Variants in FGGY observed in about 807,000 individuals in gnomAD.
FGGY encodes FGGY carbohydrate kinase domain containing, also known as FGGY carbohydrate kinase domain-containing protein.
Under a neutral mutation model 71.3 loss-of-function variants are expected in FGGY, and 72 were observed. The ratio of observed to expected loss-of-function variants is 1.01; its 90% CI spans 0.84 to 1.23. The LOEUF is 1.23. Among genes scored for constraint, FGGY ranks in the 50% most tolerant of loss-of-function variants. FGGY has a pLI of 0.00. For synonymous variants in FGGY, 251 were observed against 250.3 expected (o/e 1.00, Z -0.02); for missense variants, 668 against 682.3 (o/e 0.98, Z 0.23).
intron 5 of FGGY, among the ~76,000 whole-genome samples, chr1:59,431,874 T>C (rs1180006600): frequency 6.6e-6 from 1 of 152,246 alleles, no homozygotes. Context: ...ACAGAGCTTC[T>C]AAATCCCTTG....
chr1:59,433,442 G>T (rs1281536730), intron 5 of FGGY, among the ~76,000 whole-genome samples: 1 of 152,184 alleles, frequency 6.6e-6, no homozygotes, highest in Non-Finnish European at 1.5e-5. Context: ...CAGGCCTCAT[G>T]TGTCTGGAGC....
intron 7 of FGGY, among the ~76,000 whole-genome samples, chr1:59,520,726 G>A (rs1354252744): frequency 6.6e-6 from 1 of 152,160 alleles, no homozygotes; most frequent in Non-Finnish European, 1.5e-5. Context: ...ATAGGTGAGG[G>A]AGACTTTAAG....
chr1:59,572,008 G>C (rs1431176320), intron 8 of FGGY, among the ~76,000 whole-genome samples: 1 of 152,220 alleles, frequency 6.6e-6, no homozygotes, highest in African/African-American at 2.4e-5. Context: ...GGAATTGCAG[G>C]TTGTTGAGGT....
chr1:59,662,875 A>G (rs1479675591), intron 12 of FGGY, among the ~76,000 whole-genome samples: 1 of 152,246 alleles, frequency 6.6e-6, no homozygotes, highest in Non-Finnish European at 1.5e-5. Context: ...CCATGGTTAA[A>G]GGACATTTGA....
At chr1:59,695,422 T>G (rs754717619) in intron 14 of FGGY, among the ~76,000 whole-genome samples, 19 of 152,180 alleles carry the variant, frequency 1.2e-4, no homozygotes, top group Admixed American at 2.6e-4. Context: ...TGCAACACAC[T>G]CGCCCATGCA....
At chr1:59,471,385 T>C (rs1308783429) in intron 6 of FGGY, among the ~76,000 whole-genome samples, 1 of 152,176 alleles carries the variant, frequency 6.6e-6, no homozygotes, top group Non-Finnish European at 1.5e-5. Flanking sequence ...GGTATTTCTT[T>C]ATAGCAATGT....
chr1:59,307,033 G>A (rs1335267491), intron 1 of FGGY, among the ~76,000 whole-genome samples: 1 of 152,118 alleles, frequency 6.6e-6, no homozygotes, highest in Non-Finnish European at 1.5e-5. Flanking sequence ...TGAAGAATGA[G>A]GCCAAGCACG....
intron 5 of FGGY, among the ~76,000 whole-genome samples, chr1:59,454,366 T>C (rs930186461): frequency 6.6e-6 from 1 of 152,202 alleles, no homozygotes; most frequent in Admixed American, 6.5e-5. Flanking sequence ...AGTTAGCATA[T>C]TGTATACTCT....
chr1:59,650,961 C>T (rs1389419387), intron 11 of FGGY, among the ~76,000 whole-genome samples: 2 of 151,222 alleles, frequency 1.3e-5, no homozygotes, highest in African/African-American at 4.9e-5. Context: ...TCTTTGTTCT[C>T]GTTGGTTTCA....
intron 6 of FGGY, among the ~76,000 whole-genome samples, chr1:59,464,145 C>T (rs2092451611): frequency 6.6e-6 from 1 of 152,198 alleles, no homozygotes; most frequent in Non-Finnish European, 1.5e-5. Flanking sequence ...TATGAAAGAA[C>T]AGAAATCACA....
intron 6 of FGGY, among the ~76,000 whole-genome samples, chr1:59,474,788 TG>T (rs2093178153): frequency 6.6e-6 from 1 of 152,222 alleles, no homozygotes; most frequent in Non-Finnish European, 1.5e-5. Flanking sequence ...CAGTTGCCTA[TG>T]GTAATAGTTA....
Position 59,444,974 on chromosome 1 carries a change from T to C in FGGY, c.555-11987T>C, listed in dbSNP as rs1025570148. ...ATGTCCTTTGATACCATAAGCTCTATGGACACCCTATAATATTTCTTCATT... is the reference window on the plus strand; with the variant it reads ...ATGTCCTTTGATACCATAAGCTCTACGGACACCCTATAATATTTCTTCATT... On this transcript the variant is annotated intron_variant, in intron 5 of 15. Transcript: ENST00000303721. 3.3e-5 allele frequency among the ~76,000 whole-genome samples: 5 copies of C among 152,196 alleles called. No individual in the cohort carries two copies. The East Asian group carries it at 9.6e-4, about 29-fold the overall frequency.
chr1:59,617,460 G>T (rs577396551), intron 9 of FGGY, among the ~76,000 whole-genome samples: 1 of 152,068 alleles, frequency 6.6e-6, no homozygotes, highest in South Asian at 2.1e-4. Context: ...AAAGAAACAG[G>T]ACAGGATCTT....
chr1:59,491,645 A>G (rs1414132048), intron 6 of FGGY, among the ~76,000 whole-genome samples: 1 of 150,746 alleles, frequency 6.6e-6, no homozygotes, highest in Non-Finnish European at 1.5e-5. Flanking sequence ...TGACCATGTC[A>G]TCTACAAACA....
intron 15 of FGGY, among the ~76,000 whole-genome samples, chr1:59,759,758 G>A (rs1287990937): frequency 6.6e-6 from 1 of 152,208 alleles, no homozygotes; most frequent in Non-Finnish European, 1.5e-5. Context: ...ATTTACTTAG[G>A]CCTCTGCCAC....
intron 8 of FGGY, among the ~76,000 whole-genome samples, chr1:59,592,238 C>T (rs1296906417): frequency 1.3e-5 from 2 of 152,066 alleles, no homozygotes; most frequent in African/African-American, 4.8e-5. Flanking sequence ...CAATGAGATA[C>T]CATCTCACAC....
chr1:59,532,927 G>A (rs749571330), intron 7 of FGGY, among the ~76,000 whole-genome samples: 17 of 152,092 alleles, frequency 1.1e-4, no homozygotes, highest in South Asian at 4.2e-4. Flanking sequence ...TGCTATTGCA[G>A]AAAGTCAATA....
rs187798977 is a variant in FGGY at position 59,676,359 on chromosome 1, T to C, written c.1512+2226T>C. Among the ~76,000 whole-genome samples the C allele has an allele frequency of 3.7e-4, 57 of 152,206 alleles. No individual in the cohort carries two copies. In the East Asian group the frequency reaches 6.0e-3, roughly 16 times the overall value. On this transcript the variant is annotated intron_variant, in intron 14 of 15. Transcript: ENST00000303721. Reference sequence around the variant, plus strand: ...TTTTCTAATTTGTTCGATTTGTTTTTTCTTTAAAAATATTTTCTGGCTTCT... The same window carrying C: ...TTTTCTAATTTGTTCGATTTGTTTTCTCTTTAAAAATATTTTCTGGCTTCT...
At chr1:59,406,052 CT>C (rs1333783893) in intron 5 of FGGY, among the ~76,000 whole-genome samples, 2 of 151,856 alleles carry the variant, frequency 1.3e-5, no homozygotes, top group African/African-American at 4.8e-5. Context: ...AGCATTCTAT[CT>C]CCTATTTTCC....
Sources: gnomAD v4.1 joint callset for allele counts (sites outside exome capture counted in the v4.1 genomes callset) on GRCh38, gnomAD v4.1.1 for gene constraint, MANE v1.5 for transcripts, NCBI Gene and HGNC (gene_info 2026-07-23, HGNC 2026-07-21) for gene names.